CRYBG1: variants seen among roughly 807,000 people sequenced by gnomAD.
The protein encoded by CRYBG1 is beta/gamma crystallin domain-containing protein 1.
A neutral mutation model predicts 189.2 loss-of-function variants in CRYBG1; 139 were observed. That is an observed-to-expected ratio of 0.73 (90% CI 0.64 to 0.85). The LOEUF is 0.85. Among genes scored for constraint, CRYBG1 ranks in the 40% least tolerant of loss-of-function variants. The pLI, the probability that CRYBG1 is intolerant of heterozygous loss-of-function variation, is 0.00. For synonymous variants in CRYBG1, 1,023 were observed against 1,017.1 expected (o/e 1.01, Z -0.11); for missense variants, 2,611 against 2,675.8 (o/e 0.98, Z 0.53).
At chr6:106,549,004 T>C (rs927815627) in intron 13 of CRYBG1, among the ~76,000 whole-genome samples, 2 of 151,412 alleles carry the variant, frequency 1.3e-5, no homozygotes, top group Admixed American at 6.6e-5. Context: ...TTTGGTTTTT[T>C]GTCCTTGCGA....
At position 106,512,910 on chromosome 6, in the gene CRYBG1, GGGCAGAGGGA is replaced by G; in HGVS notation, c.1796_1805del (p.Ala599ValfsTer21). 8 of 1,605,720 alleles carry G rather than the reference GGGCAGAGGGA, an allele frequency of 5.0e-6. No homozygotes were observed. Among genetic ancestry groups the G allele is most frequent in the Non-Finnish European group, 6.8e-6 (8 of 1,176,430 alleles). On this transcript the variant is annotated frameshift_variant, in exon 3 of 22. Coordinates refer to ENST00000633556, the MANE Select transcript of CRYBG1 (RefSeq NM_001371242.2). LOFTEE classifies it high-confidence loss of function. Reference sequence around the variant, plus strand: ...CCGCTCCCCAACCACTTCAACGGCCGGGCAGAGGGAGGTCGAAGCAGAGAGCTGGGCAGAG... The same window carrying G: ...CCGCTCCCCAACCACTTCAACGGCCGGGTCGAAGCAGAGAGCTGGGCAGAG...
In CRYBG1 at chr6:106,540,825, A is replaced by T. The variant is rs1168089806; in HGVS notation, c.4846-761A>T. Among the ~76,000 whole-genome samples, 7 of 151,928 alleles carry T rather than the reference A, an allele frequency of 4.6e-5. No individual in the cohort carries two copies. The East Asian group carries it at 5.8e-4, about 13-fold the overall frequency. On this transcript the variant is annotated intron_variant, in intron 9 of 21. Transcript: ENST00000633556. ...AAGCTATTAAAGATATATTAATTTT[A>T]AAAAAATCCAACTTTCCCATTGCTG...
At chr6:106,491,036 T>C (rs1181560) in intron 2 of CRYBG1, among the ~76,000 whole-genome samples, 59,871 of 152,166 alleles carry the variant, frequency 0.39, 13,059 homozygotes, top group Non-Finnish European at 0.51. Context: ...CATTGGTTTG[T>C]TTAAAAACAA....
At chr6:106,448,348 T>C (rs1401473113) in intron 1 of CRYBG1, among the ~76,000 whole-genome samples, 1 of 152,198 alleles carries the variant, frequency 6.6e-6, no homozygotes, top group Non-Finnish European at 1.5e-5. Flanking sequence ...GTTCCTGTTT[T>C]AGAATGATGG....
At chr6:106,424,781 G>A (rs989391440) in intron 1 of CRYBG1, among the ~76,000 whole-genome samples, 1 of 152,084 alleles carries the variant, frequency 6.6e-6, no homozygotes, top group African/African-American at 2.4e-5. Context: ...CCTCTTAAGA[G>A]ACCATCAGGA....
At chr6:106,510,184 A>C (rs1333199567) in intron 2 of CRYBG1, among the ~76,000 whole-genome samples, 1 of 152,204 alleles carries the variant, frequency 6.6e-6, no homozygotes, top group Non-Finnish European at 1.5e-5. Context: ...TAAGAAATAC[A>C]GTAGCCGCAC....
At chr6:106,505,040 C>G (rs1773099599) in intron 2 of CRYBG1, among the ~76,000 whole-genome samples, 1 of 151,346 alleles carries the variant, frequency 6.6e-6, no homozygotes, top group East Asian at 1.9e-4. Context: ...ACCTCTACCT[C>G]CTGGGTTCAA....
At chr6:106,443,997 T>C (rs1771613250) in intron 1 of CRYBG1, among the ~76,000 whole-genome samples, 1 of 152,224 alleles carries the variant, frequency 6.6e-6, no homozygotes, top group African/African-American at 2.4e-5. Context: ...TCCATTAATA[T>C]AACCATATTC....
chr6:106,508,281 A>C (rs1001073723), intron 2 of CRYBG1, among the ~76,000 whole-genome samples: 2 of 144,116 alleles, frequency 1.4e-5, no homozygotes, highest in Non-Finnish European at 3.0e-5. Flanking sequence ...CACACAGTGC[A>C]TTTCTATTCT....
At chr6:106,566,464 CT>C (rs34773477) in intron 21 of CRYBG1, among the ~76,000 whole-genome samples, 1,923 of 71,444 alleles carry the variant, frequency 0.027, 4 homozygotes, top group Middle Eastern at 0.043. Flanking sequence ...CAACAACAGT[CT>C]TTTTTTTTTT....
At chr6:106,378,059 C>T (rs1770206212) in intron 1 of CRYBG1, among the ~76,000 whole-genome samples, 1 of 152,128 alleles carries the variant, frequency 6.6e-6, no homozygotes, top group South Asian at 2.1e-4. Context: ...TCCCTTGAAG[C>T]CATGTATGAG....
intron 1 of CRYBG1, among the ~76,000 whole-genome samples, chr6:106,384,151 A>G (rs1417511152): frequency 6.6e-6 from 1 of 152,078 alleles, no homozygotes; most frequent in Non-Finnish European, 1.5e-5. Flanking sequence ...TTTAGGATGG[A>G]AAATAGCATG....
chr6:106,379,742 G>A (rs982676385), intron 1 of CRYBG1, among the ~76,000 whole-genome samples: 2 of 152,018 alleles, frequency 1.3e-5, no homozygotes, highest in African/African-American at 2.4e-5. Flanking sequence ...AACAATTTTT[G>A]TAAAGATGGG....
intron 1 of CRYBG1, among the ~76,000 whole-genome samples, chr6:106,429,662 G>T (rs566018601): frequency 6.6e-6 from 1 of 152,168 alleles, no homozygotes; most frequent in African/African-American, 2.4e-5. Context: ...AGATCACGCC[G>T]GACAGGTTCA....
At chr6:106,502,821 A>T (rs1323339687) in intron 2 of CRYBG1, among the ~76,000 whole-genome samples, 1 of 100,322 alleles carries the variant, frequency 1.0e-5, no homozygotes, top group Admixed American at 1.3e-4. Context: ...AAGAAGGGCT[A>T]AAAAAAACCT....
chr6:106,423,054 A>G (rs1771158533), intron 1 of CRYBG1, among the ~76,000 whole-genome samples: 2 of 152,222 alleles, frequency 1.3e-5, no homozygotes. Flanking sequence ...ACCATTTGGT[A>G]ATTTGCTATC....
chr6:106,396,134 C>T (rs1183980720), intron 1 of CRYBG1, among the ~76,000 whole-genome samples: 3 of 152,160 alleles, frequency 2.0e-5, no homozygotes. Flanking sequence ...TAAGTGCCAG[C>T]TTGTATACTC....
intron 2 of CRYBG1, among the ~76,000 whole-genome samples, chr6:106,467,846 ACATAT>A (rs1403824916): frequency 2.0e-5 from 3 of 152,288 alleles, no homozygotes; most frequent in East Asian, 3.9e-4. Context: ...AGGAATATTG[ACATAT>A]TATGATATTT....
intron 1 of CRYBG1, among the ~76,000 whole-genome samples, chr6:106,383,308 A>G (rs1417081940): frequency 6.6e-6 from 1 of 152,004 alleles, no homozygotes; most frequent in African/African-American, 2.4e-5. Flanking sequence ...AAAGTTTGAG[A>G]ACCAAGGATC....
Sources: gnomAD v4.1 joint callset for allele counts (sites outside exome capture counted in the v4.1 genomes callset) on GRCh38, gnomAD v4.1.1 for gene constraint, MANE v1.5 for transcripts, NCBI Gene and HGNC (gene_info 2026-07-23, HGNC 2026-07-21) for gene names.